The following PIGK variants were observed in gnomAD, a reference collection of about 807,000 sequenced individuals.
PIGK encodes the protein phosphatidylinositol glycan anchor biosynthesis class K, also known as GPI-anchor transamidase.
In PIGK, 42 loss-of-function variants were observed where a neutral mutation model predicts 50.6. The observed-to-expected ratio is 0.83, with a 90% CI of 0.65 to 1.07. The LOEUF (loss-of-function observed/expected upper bound fraction) is 1.07. PIGK is among the 50% of genes least tolerant of loss of function. PIGK has a pLI of 0.00. For missense variants in PIGK, 448 were observed against 488.7 expected (o/e 0.92, Z 0.78); for synonymous variants, 151 against 156.0 (o/e 0.97, Z 0.24).
chr1:77,111,697 T>C (rs191523827), intron 10 of PIGK, among the ~76,000 whole-genome samples: 1 of 152,118 alleles, frequency 6.6e-6, no homozygotes, highest in Non-Finnish European at 1.5e-5. Flanking sequence ...ACATGGCATA[T>C]GTATACATAT....
intron 9 of PIGK, among the ~76,000 whole-genome samples, chr1:77,142,865 A>T (rs2100543798): frequency 6.6e-6 from 1 of 152,280 alleles, no homozygotes; most frequent in Non-Finnish European, 1.5e-5. Context: ...GGGAACCCAA[A>T]AAAAGCAAAA....
At chr1:77,196,483 C>T (rs562447723) in intron 3 of PIGK, among the ~76,000 whole-genome samples, 6 of 152,226 alleles carry the variant, frequency 3.9e-5, no homozygotes, top group Admixed American at 3.9e-4. Context: ...TTGCCAACAT[C>T]TTTTATTTTT....
At chr1:77,175,753 G>A (rs943494197) in intron 3 of PIGK, among the ~76,000 whole-genome samples, 2 of 152,048 alleles carry the variant, frequency 1.3e-5, no homozygotes, top group Admixed American at 6.6e-5. Flanking sequence ...ATATTATTCA[G>A]TTTTTACATA....
intron 9 of PIGK, among the ~76,000 whole-genome samples, chr1:77,148,539 C>T (rs1654820621): frequency 2.0e-5 from 3 of 152,112 alleles, no homozygotes; most frequent in Admixed American, 1.3e-4. Flanking sequence ...TTCCATTCTT[C>T]CAGAACATAT....
chr1:77,205,898 T>G (rs1360423024), intron 3 of PIGK, among the ~76,000 whole-genome samples: 1 of 152,064 alleles, frequency 6.6e-6, no homozygotes, highest in Non-Finnish European at 1.5e-5. Flanking sequence ...TTACGAGTCT[T>G]CATATAAAGC....
At chr1:77,175,534 C>G (rs997770284) in intron 3 of PIGK, among the ~76,000 whole-genome samples, 3 of 151,882 alleles carry the variant, frequency 2.0e-5, no homozygotes, top group Non-Finnish European at 4.4e-5. Flanking sequence ...GTTTTACATG[C>G]AAGGTGTATA....
At chr1:77,132,892 T>C (rs1376740994) in intron 9 of PIGK, among the ~76,000 whole-genome samples, 1 of 152,090 alleles carries the variant, frequency 6.6e-6, no homozygotes. Context: ...ATTGTAATAA[T>C]ATGTCAGTAT....
intron 9 of PIGK, among the ~76,000 whole-genome samples, chr1:77,140,957 C>T (rs931915943): frequency 6.6e-5 from 10 of 152,068 alleles, no homozygotes; most frequent in African/African-American, 2.2e-4. Flanking sequence ...TGTTTCAGTA[C>T]CTTAAAGGAA....
intron 10 of PIGK, among the ~76,000 whole-genome samples, chr1:77,119,226 G>A (rs958478368): frequency 3.3e-5 from 5 of 152,124 alleles, no homozygotes; most frequent in African/African-American, 7.2e-5. Flanking sequence ...ACTCTAATTA[G>A]AATTGCTAAA....
chr1:77,182,812 T>C (rs1655651215), intron 3 of PIGK, among the ~76,000 whole-genome samples: 1 of 152,182 alleles, frequency 6.6e-6, no homozygotes, highest in Non-Finnish European at 1.5e-5. Flanking sequence ...TTATGCAAAA[T>C]AAATTCATTT....
intron 9 of PIGK, chr1:77,129,045 T>C: frequency 5.1e-6 from 4 of 781,148 alleles, no homozygotes; most frequent in Middle Eastern, 7.1e-4. Flanking sequence ...ATATGGCCTA[T>C]GACCTACAAA....
At chr1:77,176,145 G>A (rs1655485585) in intron 3 of PIGK, among the ~76,000 whole-genome samples, 1 of 152,064 alleles carries the variant, frequency 6.6e-6, no homozygotes, top group Admixed American at 6.5e-5. Context: ...TCATCATTTT[G>A]GCTAAATGAA....
chr1:77,148,966 T>C (rs1478637423), intron 9 of PIGK, among the ~76,000 whole-genome samples: 1 of 151,552 alleles, frequency 6.6e-6, no homozygotes, highest in Non-Finnish European at 1.5e-5. Context: ...CTGCCCACCT[T>C]GGCCTCCCAA....
At chr1:77,182,486 C>G (rs1020982458) in intron 3 of PIGK, among the ~76,000 whole-genome samples, 1 of 151,802 alleles carries the variant, frequency 6.6e-6, no homozygotes, top group Admixed American at 6.6e-5. Context: ...GAAACACCCT[C>G]GCAGACACAC....
chr1:77,161,517 C>T (rs985798873), intron 7 of PIGK, 77 bp downstream of exon 7: 3 of 951,592 alleles, frequency 3.2e-6, no homozygotes, highest in Non-Finnish European at 5.2e-6. Context: ...CAGATACATT[C>T]ATAAAGCATT....
intron 10 of PIGK, among the ~76,000 whole-genome samples, chr1:77,102,534 T>C (rs933719965): frequency 6.6e-6 from 1 of 152,122 alleles, no homozygotes; most frequent in Admixed American, 6.5e-5. Flanking sequence ...TCATGAGCCA[T>C]AGGATGTGGG....
chr1:77,173,943 A>G (rs989612403), intron 3 of PIGK, among the ~76,000 whole-genome samples: 1 of 152,242 alleles, frequency 6.6e-6, no homozygotes, highest in Non-Finnish European at 1.5e-5. Context: ...TTTGGGGTTC[A>G]TGTCATAGCT....
chr1:77,132,663 AT>A (rs1286777653), intron 9 of PIGK, among the ~76,000 whole-genome samples: 2 of 151,914 alleles, frequency 1.3e-5, no homozygotes, highest in Non-Finnish European at 2.9e-5. Flanking sequence ...TCTTTACTGA[AT>A]TTTGTTGTTT....
chr1:77,161,945 C>T (rs943058686), intron 6 of PIGK, among the ~76,000 whole-genome samples: 1 of 152,162 alleles, frequency 6.6e-6, no homozygotes, highest in Non-Finnish European at 1.5e-5. Context: ...AGCTCTTTTC[C>T]CTCTTCCTTG....
Sources: allele counts gnomAD v4.1 joint callset (sites outside exome capture counted in the v4.1 genomes callset), GRCh38; gene constraint gnomAD v4.1.1; transcripts MANE v1.5; gene names NCBI Gene and HGNC (gene_info 2026-07-23, HGNC 2026-07-21).